The following MFSD1 variants were observed in gnomAD, a reference collection of about 807,000 sequenced individuals.
MFSD1 encodes lysosomal dipeptide transporter MFSD1.
In MFSD1, 59 loss-of-function variants were observed where a neutral mutation model predicts 67.1. That is an observed-to-expected ratio of 0.88 (90% confidence interval 0.71 to 1.09). The LOEUF is 1.09. MFSD1 is among the 50% of genes least tolerant of loss of function. The probability of loss-of-function intolerance (pLI) is 0.00; values close to 1 mark genes in which losing one functional copy is unlikely to be tolerated. For synonymous variants in MFSD1, 213 were observed against 200.3 expected, an observed-to-expected ratio of 1.06 and a Z score of -0.54; for missense variants, 552 against 566.1, an observed-to-expected ratio of 0.97 and a Z score of 0.25.
chr3:158,802,410 C>T (rs1410980512), intron 1 of MFSD1, 95 bp downstream of exon 1: 17 of 1,383,052 alleles, frequency 1.2e-5, no homozygotes, highest in Non-Finnish European at 1.7e-5. Flanking sequence ...GCCACGGGGC[C>T]TCAGCGCAGC....
chr3:158,828,874 A>G (rs764661540), intron 15 of MFSD1, 105 bp from the exon 16 acceptor site: 240 of 1,118,404 alleles, frequency 2.1e-4, no homozygotes, highest in Non-Finnish European at 2.9e-4. Flanking sequence ...GTAGCTTAGT[A>G]TTTGCTATTA....
At chr3:158,819,626 C>CTTTTTTTTTTTTTTTTTTTT (rs58055234) in intron 7 of MFSD1, 23 bp from the exon 8 acceptor site, 1 of 1,011,848 alleles carries the variant, frequency 9.9e-7, no homozygotes, top group Admixed American at 2.8e-5. Flanking sequence ...GTCTGTTTTT[C>CTTTTTTTTTTTTTTTTTTTT]TTTTTTTTTT....
intron 7 of MFSD1, among the ~76,000 whole-genome samples, chr3:158,816,470 T>G (rs1354727730): frequency 6.6e-6 from 1 of 152,262 alleles, no homozygotes; most frequent in African/African-American, 2.4e-5. Context: ...AAGTGTCTGT[T>G]CATGTCCTTC....
rs1367457449 is a variant in MFSD1, at chr3:158,827,330, C to T, written c.1387C>T (p.His463Tyr). Reference protein sequence around the residue: ...ARQREEIKFSHTE With the variant: ...ARQREEIKFSYTE ...ACAAAGGGAAGAAATAAAATTTTCC[C>T]ATACTGAGTAAGTATTAAAAGGGTA... Residue 463 changes from histidine (H) to tyrosine (Y), a missense_variant, in exon 15 of 16, where the codon CAT (histidine) becomes TAT (tyrosine). Physicochemically the swap from His to Tyr is moderately conservative, Grantham distance 83. Coordinates refer to ENST00000415822, the MANE Select transcript of MFSD1 (RefSeq NM_022736.4). 10 of 1,535,864 alleles carry T rather than the reference C, an allele frequency of 6.5e-6. 1 individual carries two copies. The African/African-American group carries it at 9.9e-5, about 15-fold the overall frequency.
intron 15 of MFSD1, 82 bp downstream of exon 15, chr3:158,827,419 A>ATTTT: frequency 4.5e-6 from 3 of 662,902 alleles, no homozygotes; most frequent in Non-Finnish European, 4.7e-6. Flanking sequence ...TGGGCTTTGA[A>ATTTT]GTTTTTTTTT....
rs189438588 is a variant in MFSD1, at chr3:158,804,611, G to A, written c.216+240G>A. The stretch of plus-strand genomic sequence containing the variant: ...TTTCAGACCTTAGATAAATAATTAT[G>A]TGGTATTTCCACAGTATTGTCAAAA... On this transcript the variant is annotated intron_variant, in intron 2 of 15. Coordinates refer to ENST00000415822, the MANE Select transcript of MFSD1 (RefSeq NM_022736.4). 3.0e-4 allele frequency among the ~76,000 whole-genome samples: 46 copies of A among 152,320 alleles called. No individual in the cohort carries two copies. The East Asian group carries it at 8.3e-3, about 27-fold the overall frequency.
chr3:158,818,737 C>G (rs1318543135), intron 7 of MFSD1, among the ~76,000 whole-genome samples: 1 of 152,210 alleles, frequency 6.6e-6, no homozygotes, highest in Non-Finnish European at 1.5e-5. Flanking sequence ...CTCTCCCTCT[C>G]AAATCCTTTG....
At chr3:158,803,815 G>C (rs1729577988) in intron 1 of MFSD1, among the ~76,000 whole-genome samples, 1 of 150,990 alleles carries the variant, frequency 6.6e-6, no homozygotes. Flanking sequence ...TTTCACTCCT[G>C]GCCCTGTATT....
chr3:158,827,186 A>G (rs565215929), intron 14 of MFSD1, 94 bp from the exon 15 acceptor site: 7 of 707,948 alleles, frequency 9.9e-6, no homozygotes, highest in Admixed American at 3.0e-5. Context: ...AATACAGTGT[A>G]TCTATGCAAA....
intron 8 of MFSD1, 144 bp downstream of exon 8, chr3:158,819,891 C>T (rs1730585719): frequency 1.9e-6 from 1 of 526,116 alleles, no homozygotes; most frequent in South Asian, 3.2e-5. Flanking sequence ...AATTGATTTC[C>T]ACTTTTCTAA....
chr3:158,813,397 C>T lies in MFSD1; in HGVS notation c.550-568C>T, dbSNP rs541062036. Among the ~76,000 whole-genome samples, 16 of 152,208 alleles carry T rather than the reference C, an allele frequency of 1.1e-4. No individual in the cohort carries two copies. The South Asian group carries it at 1.7e-3, about 16-fold the overall frequency. ...TCCTGACCTTGTGATCCACCCATCT[C>T]GGCCTCCCAATATGCTGGGATTACA... is the stretch of plus-strand genomic sequence containing the variant. On this transcript the variant is annotated intron_variant, in intron 6 of 15. Coordinates refer to ENST00000415822, the MANE Select transcript of MFSD1 (RefSeq NM_022736.4).
chr3:158,802,091 G>A lies in MFSD1; in HGVS notation c.-62G>A. The A allele has an allele frequency of 6.3e-7, 1 of 1,586,804 alleles. No homozygotes were observed. ...GCCGTCTTGACAGTGTTCCACGGGC[G>A]CTGCTTCCTGCCTGGGTTTGGAGTT... On this transcript the variant is annotated 5_prime_UTR_variant, in exon 1 of 16. Coordinates refer to ENST00000415822, the MANE Select transcript of MFSD1 (RefSeq NM_022736.4).
At chr3:158,817,782 G>A (rs892777749) in intron 7 of MFSD1, among the ~76,000 whole-genome samples, 4 of 152,242 alleles carry the variant, frequency 2.6e-5, no homozygotes, top group Admixed American at 1.3e-4. Context: ...AAAAGAGCCC[G>A]CATCGCCAAG....
chr3:158,826,485 A>G (rs956135487), intron 14 of MFSD1, among the ~76,000 whole-genome samples: 5 of 151,856 alleles, frequency 3.3e-5, no homozygotes, highest in Non-Finnish European at 7.4e-5. Flanking sequence ...TTCTTTTGCT[A>G]ATTCGTACTG....
At chr3:158,827,927 A>G (rs1731080347) in intron 15 of MFSD1, among the ~76,000 whole-genome samples, 1 of 80,524 alleles carries the variant, frequency 1.2e-5, no homozygotes, top group Non-Finnish European at 2.3e-5. Flanking sequence ...AGAGAGAGAG[A>G]GAGAGAGAGA....
intron 6 of MFSD1, among the ~76,000 whole-genome samples, chr3:158,813,572 A>G (rs867775794): frequency 6.6e-6 from 1 of 152,184 alleles, no homozygotes; most frequent in African/African-American, 2.4e-5. Flanking sequence ...TGTCCTCTTT[A>G]TGGACATTCA....
At chr3:158,818,846 A>G (rs1032078493) in intron 7 of MFSD1, among the ~76,000 whole-genome samples, 3 of 152,212 alleles carry the variant, frequency 2.0e-5, no homozygotes, top group Non-Finnish European at 4.4e-5. Flanking sequence ...TTAGAGCCAG[A>G]AAAGACCTGT....
intron 8 of MFSD1, 38 bp downstream of exon 8, chr3:158,819,785 C>A: frequency 1.6e-6 from 2 of 1,230,560 alleles, no homozygotes; most frequent in Non-Finnish European, 2.4e-6. Context: ...AGGGGAATTA[C>A]GGCCTTTGTG....
intron 13 of MFSD1, among the ~76,000 whole-genome samples, chr3:158,824,828 T>C (rs1371538902): frequency 6.6e-6 from 1 of 152,232 alleles, no homozygotes; most frequent in Non-Finnish European, 1.5e-5. Context: ...CAGTGATGAT[T>C]TTATCAAACT....
Sources: allele counts gnomAD v4.1 joint callset (sites outside exome capture counted in the v4.1 genomes callset), GRCh38; gene constraint gnomAD v4.1.1; transcripts MANE v1.5; gene names NCBI Gene and HGNC (gene_info 2026-07-23, HGNC 2026-07-21).